Variants in FER observed in about 807,000 individuals in gnomAD.
FER encodes the protein tyrosine-protein kinase Fer.
FER carries 63 observed loss-of-function variants against 111.0 expected under a neutral mutation model. The ratio of observed to expected loss-of-function variants is 0.57; its 90% CI spans 0.46 to 0.70. FER has a LOEUF of 0.70. Among genes scored for constraint, FER ranks in the 30% least tolerant of loss-of-function variants. FER has a pLI of 0.00. For synonymous variants in FER, 327 were observed against 313.9 expected (o/e 1.04, Z -0.44); for missense variants, 914 against 954.0 (o/e 0.96, Z 0.55).
intron 13 of FER, among the ~76,000 whole-genome samples, chr5:109,008,972 AAAC>A (rs375685208): frequency 3.2e-4 from 49 of 151,762 alleles, no homozygotes; most frequent in Middle Eastern, 3.4e-3. Flanking sequence ...CTCCATCTCA[AAAC>A]AACAACAACA....
intron 10 of FER, chr5:108,924,489 C>T: frequency 1.4e-6 from 1 of 714,300 alleles, no homozygotes. Context: ...GTATCTGTTC[C>T]TTTAATCCAG....
chr5:109,086,799 T>A (rs1310155678), intron 16 of FER, among the ~76,000 whole-genome samples: 1 of 151,432 alleles, frequency 6.6e-6, no homozygotes, highest in Non-Finnish European at 1.5e-5. Context: ...AGAGCTTCCA[T>A]ACAAAGTACC....
chr5:108,965,408 A>G (rs781758010), intron 13 of FER, among the ~76,000 whole-genome samples: 2 of 152,112 alleles, frequency 1.3e-5, no homozygotes, highest in Non-Finnish European at 2.9e-5. Context: ...GTTTGAAAGC[A>G]TTTTTCGCAG....
rs550459029 is a variant in FER, at chr5:108,809,138, C to G, written c.207+10749C>G. ...TTTTTGTATGTGGATATCTACCTCT[C>G]CAGTAAGATTAGGGAAACTTTTTTT... On this transcript the variant is annotated intron_variant, in intron 3 of 19. Coordinates refer to ENST00000281092, the MANE Select transcript of FER (RefSeq NM_005246.4). Among the ~76,000 whole-genome samples the G allele has an allele frequency of 2.6e-5, 4 of 152,262 alleles. No individual in the cohort carries two copies. The South Asian group carries it at 6.2e-4, about 24-fold the overall frequency.
intron 5 of FER, among the ~76,000 whole-genome samples, chr5:108,865,595 A>T (rs1373903745): frequency 6.6e-6 from 1 of 152,228 alleles, no homozygotes; most frequent in Non-Finnish European, 1.5e-5. Context: ...GGATCTAATT[A>T]AACTAAAGAG....
intron 1 of FER, among the ~76,000 whole-genome samples, chr5:108,757,520 C>T (rs772420549): frequency 2.0e-5 from 3 of 152,124 alleles, no homozygotes; most frequent in Non-Finnish European, 4.4e-5. Context: ...AGTCTTTGAT[C>T]TTGACGCACA....
intron 13 of FER, among the ~76,000 whole-genome samples, chr5:109,013,933 CT>C (rs1295964596): frequency 1.3e-5 from 2 of 151,712 alleles, no homozygotes; most frequent in Non-Finnish European, 3.0e-5. Flanking sequence ...GGGGTTGGTT[CT>C]TTTTTTCTTG....
chr5:108,843,480 T>C (rs571666244), intron 5 of FER, among the ~76,000 whole-genome samples: 8 of 151,988 alleles, frequency 5.3e-5, no homozygotes, highest in African/African-American at 1.9e-4. Context: ...GCCAGAGATA[T>C]AAAAATGAAA....
At chr5:109,170,321 G>T (rs1756978944) in intron 17 of FER, among the ~76,000 whole-genome samples, 1 of 152,054 alleles carries the variant, frequency 6.6e-6, no homozygotes, top group Non-Finnish European at 1.5e-5. Flanking sequence ...TAGTTCCCAG[G>T]AACAAAATGG....
At chr5:109,142,734 GA>G (rs143626495) in intron 17 of FER, among the ~76,000 whole-genome samples, 12 of 151,744 alleles carry the variant, frequency 7.9e-5, no homozygotes, top group Admixed American at 1.3e-4. Context: ...CAAAGAAACA[GA>G]AAAAAAGACA....
At chr5:109,049,211 C>T (rs1270692972) in intron 16 of FER, among the ~76,000 whole-genome samples, 1 of 152,114 alleles carries the variant, frequency 6.6e-6, no homozygotes, top group Non-Finnish European at 1.5e-5. Context: ...CCATTTTTTA[C>T]CTGACAGGGT....
At chr5:109,144,724 A>T (rs1201477129) in intron 17 of FER, among the ~76,000 whole-genome samples, 2 of 152,052 alleles carry the variant, frequency 1.3e-5, no homozygotes. Flanking sequence ...GAGAGATGTT[A>T]CCAAATGTTG....
chr5:108,899,654 A>T (rs1415842937), intron 10 of FER, among the ~76,000 whole-genome samples: 2 of 151,882 alleles, frequency 1.3e-5, no homozygotes, highest in African/African-American at 4.8e-5. Context: ...AAAAAAAAAA[A>T]TTAGCTGGGT....
intron 13 of FER, among the ~76,000 whole-genome samples, chr5:109,017,901 A>G (rs1002738754): frequency 2.0e-5 from 3 of 151,902 alleles, no homozygotes; most frequent in Non-Finnish European, 4.4e-5. Flanking sequence ...GACAACCTCC[A>G]TCTGTGGTCA....
chr5:108,879,701 A>AAAAAATATATATATATATAT, intron 8 of FER, among the ~76,000 whole-genome samples: 16 of 99,092 alleles, frequency 1.6e-4, no homozygotes, highest in African/African-American at 5.7e-4. Flanking sequence ...ATTAAAAAAA[A>AAAAAATATATATATATATAT]ATATATATAT....
chr5:108,844,134 G>T (rs1045067314), intron 5 of FER, among the ~76,000 whole-genome samples: 1 of 150,512 alleles, frequency 6.6e-6, no homozygotes, highest in Middle Eastern at 3.4e-3. Flanking sequence ...ATATGTGTGT[G>T]AACATATATG....
intron 10 of FER, among the ~76,000 whole-genome samples, chr5:108,924,360 CAAA>C (rs59469649): frequency 1.9e-4 from 19 of 99,084 alleles, no homozygotes; most frequent in South Asian, 1.1e-3. Flanking sequence ...AACTCTGTCT[CAAA>C]AAAAAAAAAA....
At chr5:108,985,484 A>G (rs913676062) in intron 13 of FER, among the ~76,000 whole-genome samples, 1 of 151,794 alleles carries the variant, frequency 6.6e-6, no homozygotes, top group African/African-American at 2.4e-5. Context: ...GTTTGCTTAC[A>G]TGAGTAAGTT....
chr5:108,755,686 A>G (rs866415519), intron 1 of FER, among the ~76,000 whole-genome samples: 90 of 151,406 alleles, frequency 5.9e-4, no homozygotes, highest in African/African-American at 2.1e-3. Context: ...GGGTTTCACC[A>G]TGTTAGTCAG....
Sources: gnomAD v4.1 joint callset for allele counts (sites outside exome capture counted in the v4.1 genomes callset) on GRCh38, gnomAD v4.1.1 for gene constraint, MANE v1.5 for transcripts, NCBI Gene and HGNC (gene_info 2026-07-23, HGNC 2026-07-21) for gene names.